CTNNA2: variants seen among roughly 807,000 people sequenced by gnomAD.
CTNNA2 encodes the protein catenin alpha-2.
Under a neutral mutation model 101.0 loss-of-function variants are expected in CTNNA2, and 42 were observed. The observed-to-expected ratio is 0.42, with a 90% confidence interval of 0.32 to 0.54. The LOEUF (loss-of-function observed/expected upper bound fraction) is 0.54. Among genes scored for constraint, CTNNA2 ranks in the 20% least tolerant of loss-of-function variants. The pLI is 0.14. For missense variants in CTNNA2, 871 were observed against 1,223.1 expected (o/e 0.71, Z 4.29); for synonymous variants, 450 against 456.4 (o/e 0.99, Z 0.18).
At chr2:80,240,291 G>A (rs1326148176) in intron 7 of CTNNA2, among the ~76,000 whole-genome samples, 15 of 152,166 alleles carry the variant, frequency 9.9e-5, no homozygotes, top group Admixed American at 9.2e-4. Flanking sequence ...CTTGGCTTTA[G>A]GATATCTTAG....
At chr2:80,419,174 GA>G (rs1258471921) in intron 8 of CTNNA2, among the ~76,000 whole-genome samples, 1 of 152,182 alleles carries the variant, frequency 6.6e-6, no homozygotes, top group African/African-American at 2.4e-5. Flanking sequence ...GTCAATGAAG[GA>G]TGAGAGAAGG....
intron 9 of CTNNA2, among the ~76,000 whole-genome samples, chr2:80,454,810 T>C (rs1453449048): frequency 6.6e-6 from 1 of 152,224 alleles, no homozygotes; most frequent in Non-Finnish European, 1.5e-5. Flanking sequence ...ATTGTCAGCC[T>C]CCCAGCAGAA....
chr2:80,371,149 A>G (rs1675404852), intron 7 of CTNNA2, among the ~76,000 whole-genome samples: 1 of 152,162 alleles, frequency 6.6e-6, no homozygotes, highest in African/African-American at 2.4e-5. Flanking sequence ...GGAGAAATTC[A>G]AGAAGAAGGT....
intron 8 of CTNNA2, among the ~76,000 whole-genome samples, chr2:80,399,037 T>G (rs1442030787): frequency 1.3e-5 from 2 of 150,588 alleles, no homozygotes; most frequent in Non-Finnish European, 3.0e-5. Context: ...GGATCCCAAG[T>G]AGCTGGGATT....
intron 4 of CTNNA2, among the ~76,000 whole-genome samples, chr2:79,478,477 A>C (rs1260186681): frequency 2.0e-5 from 3 of 152,194 alleles, no homozygotes; most frequent in African/African-American, 7.2e-5. Flanking sequence ...CGATGATCAG[A>C]TAGAAGGAGA....
rs192068408 is a variant in CTNNA2 at position 79,808,099 on chromosome 2, T to C, written c.299-49914T>C. The stretch of plus-strand genomic sequence containing the variant: ...GTAGTATTTATAATTGAAATGCTGA[T>C]GAGAGTAATTTAAAGTATTTCAGAA... On this transcript the variant is annotated intron_variant, in intron 3 of 18. Coordinates refer to ENST00000402739, the MANE Select transcript of CTNNA2 (RefSeq NM_001282597.3). 1.2e-4 allele frequency among the ~76,000 whole-genome samples: 18 copies of C among 152,300 alleles called. No individual in the cohort carries two copies. In the East Asian group the frequency reaches 3.5e-3, roughly 29 times the overall value.
chr2:79,246,137 A>G (rs1409167809), intron 2 of CTNNA2, among the ~76,000 whole-genome samples: 2 of 152,226 alleles, frequency 1.3e-5, no homozygotes, highest in East Asian at 1.9e-4. Flanking sequence ...ATATGAATCT[A>G]GGGTCCTAAT....
intron 3 of CTNNA2, among the ~76,000 whole-genome samples, chr2:79,360,789 C>CT (rs1036371642): frequency 2.0e-5 from 3 of 152,240 alleles, no homozygotes; most frequent in Non-Finnish European, 2.9e-5. Flanking sequence ...TAGCAAATGT[C>CT]TTTTTCTCTC....
intron 4 of CTNNA2, among the ~76,000 whole-genome samples, chr2:79,449,034 A>T (rs899544402): frequency 6.6e-6 from 1 of 152,042 alleles, no homozygotes; most frequent in Non-Finnish European, 1.5e-5. Context: ...CGCATGATGC[A>T]GTCTACTGAA....
intron 7 of CTNNA2, among the ~76,000 whole-genome samples, chr2:79,963,431 C>T (rs1040114521): frequency 5.3e-5 from 8 of 152,208 alleles, no homozygotes; most frequent in Non-Finnish European, 8.8e-5. Context: ...ATACATCCAG[C>T]AGCATTTCAT....
At chr2:79,551,052 T>C (rs931252670) in intron 1 of CTNNA2, among the ~76,000 whole-genome samples, 7 of 152,236 alleles carry the variant, frequency 4.6e-5, no homozygotes, top group African/African-American at 1.4e-4. Flanking sequence ...AGAAAAAATT[T>C]GCAGCTTGTT....
At chr2:79,206,427 C>T (rs12617733) in intron 2 of CTNNA2, among the ~76,000 whole-genome samples, 2,584 of 152,220 alleles carry the variant, frequency 0.017, 96 homozygotes, top group East Asian at 0.1. Context: ...CAGTCCTCAG[C>T]GACATTGGGG....
In CTNNA2 at chr2:79,318,622, G is replaced by C. The variant is rs552105962; in HGVS notation, c.-318+5826G>C. 3.3e-5 allele frequency among the ~76,000 whole-genome samples: 5 copies of C among 152,304 alleles called. No individual in the cohort carries two copies. In the South Asian group the frequency reaches 8.3e-4, roughly 25 times the overall value. On this transcript the variant is annotated intron_variant, in intron 3 of 21. Coordinates refer to the CTNNA2 transcript ENST00000466387. ...CCTATATCCTACAGGAAATTGTGAAGGCCTAAGGAATATTCTAAAGTAAGG... is the reference window on the plus strand; with the variant it reads ...CCTATATCCTACAGGAAATTGTGAACGCCTAAGGAATATTCTAAAGTAAGG...
At chr2:79,270,901 AC>A (rs1675066540) in intron 2 of CTNNA2, among the ~76,000 whole-genome samples, 1 of 152,042 alleles carries the variant, frequency 6.6e-6, no homozygotes, top group Non-Finnish European at 1.5e-5. Flanking sequence ...TCTTTTAGGC[AC>A]ATCTTTCTCT....
At chr2:79,924,152 T>A (rs201913246) in intron 7 of CTNNA2, among the ~76,000 whole-genome samples, 1 of 152,268 alleles carries the variant, frequency 6.6e-6, no homozygotes, top group African/African-American at 2.4e-5. Flanking sequence ...AAGGAAATTC[T>A]GTCATTTTTG....
chr2:80,534,781 G>A (rs1023775211), intron 9 of CTNNA2, among the ~76,000 whole-genome samples: 1 of 152,134 alleles, frequency 6.6e-6, no homozygotes, highest in Admixed American at 6.6e-5. Flanking sequence ...AAGGACTATG[G>A]TCACAGGTAA....
rs1350234807 is a variant in CTNNA2 at position 80,303,156 on chromosome 2, C to T, written c.1057-90055C>T. 2 of 1,614,126 alleles carry T rather than the reference C, an allele frequency of 1.2e-6. No individual in the cohort carries two copies. Among genetic ancestry groups the T allele is most frequent in the South Asian group, 1.1e-5 (1 of 91,082 alleles). On this transcript the variant is annotated intron_variant, in intron 7 of 18. Transcript: ENST00000402739. This position sits in a 1 kb window ranked among gnomAD's most constrained non-coding sequence, Gnocchi z 7.7. ...GGGAAGTGGGCGAAGTTCACCTTGA[C>T]CAAGTCGTTGTGCTCGAGGTGCAGC... is the stretch of plus-strand genomic sequence containing the variant.
intron 1 of CTNNA2, among the ~76,000 whole-genome samples, chr2:79,639,114 T>C (rs1315202152): frequency 1.3e-5 from 2 of 152,188 alleles, no homozygotes; most frequent in Non-Finnish European, 2.9e-5. Context: ...CTGATCTAAA[T>C]GCCAAGTTGA....
At chr2:79,982,065 G>T (rs1210382968) in intron 7 of CTNNA2, among the ~76,000 whole-genome samples, 2 of 150,038 alleles carry the variant, frequency 1.3e-5, no homozygotes, top group East Asian at 2.0e-4. Context: ...TTGAGACAGG[G>T]TCTTGCTCTG....
Sources: gnomAD v4.1 joint callset for allele counts (sites outside exome capture counted in the v4.1 genomes callset) on GRCh38, gnomAD v4.1.1 for gene constraint, Gnocchi (gnomAD v3.1) non-coding constraint, MANE v1.5 for transcripts, NCBI Gene and HGNC (gene_info 2026-07-23, HGNC 2026-07-21) for gene names.